ROBO2: variants seen among roughly 807,000 people sequenced by gnomAD.
ROBO2 encodes roundabout homolog 2.
ROBO2 carries 53 observed loss-of-function variants against 160.8 expected under a neutral mutation model. The ratio of observed to expected loss-of-function variants is 0.33; its 90% CI spans 0.26 to 0.41. ROBO2 has a LOEUF of 0.41. Among genes scored for constraint, ROBO2 ranks in the 10% least tolerant of loss-of-function variants. The pLI is 1.00. For missense variants in ROBO2, 1,577 were observed against 1,722.4 expected (o/e 0.92, Z 1.49); for synonymous variants, 664 against 611.7 (o/e 1.09, Z -1.26).
chr3:76,802,686 T>C (rs2064313448), intron 2 of ROBO2, among the ~76,000 whole-genome samples: 1 of 145,886 alleles, frequency 6.9e-6, no homozygotes, highest in Non-Finnish European at 1.5e-5. Context: ...CAAGATGGCG[T>C]CACTGCACTC....
intron 2 of ROBO2, among the ~76,000 whole-genome samples, chr3:76,488,917 T>C (rs894307228): frequency 2.0e-5 from 3 of 151,988 alleles, no homozygotes; most frequent in African/African-American, 7.2e-5. Flanking sequence ...TATTTATTTT[T>C]GTGCAGTTCT....
At chr3:76,168,918 G>A (rs921278652) in intron 2 of ROBO2, among the ~76,000 whole-genome samples, 2 of 151,364 alleles carry the variant, frequency 1.3e-5, no homozygotes, top group East Asian at 1.9e-4. Flanking sequence ...ATAAATTTGT[G>A]TCTTTGTTTT....
At chr3:75,937,841 TTATATATA>T (rs1158457510) in intron 2 of ROBO2, among the ~76,000 whole-genome samples, 5,251 of 105,476 alleles carry the variant, frequency 0.05, 202 homozygotes, top group Non-Finnish European at 0.06. Flanking sequence ...GGAATTGATT[TTATATATA>T]TATATATATA....
At chr3:76,476,507 C>T (rs2107212837) in intron 2 of ROBO2, among the ~76,000 whole-genome samples, 1 of 152,210 alleles carries the variant, frequency 6.6e-6, no homozygotes, top group East Asian at 1.9e-4. Flanking sequence ...ATGACATCTC[C>T]ACCTACTTGC....
At chr3:76,820,131 A>T (rs1391743301) in intron 2 of ROBO2, among the ~76,000 whole-genome samples, 5 of 152,030 alleles carry the variant, frequency 3.3e-5, no homozygotes, top group African/African-American at 4.8e-5. Context: ...GATTTGTTTC[A>T]TGTACACATT....
intron 7 of ROBO2, among the ~76,000 whole-genome samples, chr3:77,547,606 T>A (rs942795093): frequency 5.3e-5 from 8 of 152,086 alleles, no homozygotes; most frequent in African/African-American, 1.9e-4. Flanking sequence ...TGTGGGTTTC[T>A]ATAAATTCCT....
chr3:75,921,532 C>T (rs973995160), intron 1 of ROBO2, among the ~76,000 whole-genome samples: 1 of 151,936 alleles, frequency 6.6e-6, no homozygotes, highest in Admixed American at 6.6e-5. Flanking sequence ...TTTTATTGAT[C>T]AGAATGAAAA....
intron 1 of ROBO2, among the ~76,000 whole-genome samples, chr3:77,081,413 C>A (rs1056570867): frequency 1.3e-5 from 2 of 152,160 alleles, no homozygotes; most frequent in Non-Finnish European, 2.9e-5. Context: ...AGAGTGTGCA[C>A]TCTAAGGATA....
intron 2 of ROBO2, among the ~76,000 whole-genome samples, chr3:77,162,543 C>T (rs893430588): frequency 5.9e-5 from 9 of 152,160 alleles, no homozygotes; most frequent in Non-Finnish European, 1.3e-4. Flanking sequence ...CCAAGTTCAG[C>T]GTCTTAGTGA....
rs1461932765 is a variant in ROBO2, at chr3:77,634,971, A to G, written c.3862A>G (p.Thr1288Ala). 1 of 1,614,194 alleles carries G rather than the reference A, an allele frequency of 6.2e-7. No individual in the cohort carries two copies. Among genetic ancestry groups the G allele is most frequent in the Admixed American group, 1.7e-5 (1 of 60,018 alleles). ...GAGTCAAAGTCAGAGGCCTCGGCCC[A>G]CTAAAAAACACAAGGGAGGGCGGAT... The change falls in exon 24 of 26, where the codon ACT (threonine) becomes GCT (alanine). Residue 1288 changes from threonine (T) to alanine (A), a missense_variant. Transcript: ENST00000461745.
chr3:76,066,679 G>A, intron 2 of ROBO2, among the ~76,000 whole-genome samples: 1 of 152,064 alleles, frequency 6.6e-6, no homozygotes. Context: ...GTTAAGGAAT[G>A]CAATCAGTTA....
intron 2 of ROBO2, among the ~76,000 whole-genome samples, chr3:76,124,056 T>C (rs1439219099): frequency 6.6e-6 from 1 of 152,028 alleles, no homozygotes; most frequent in Non-Finnish European, 1.5e-5. Context: ...TTAAAAATAA[T>C]GAGTTTTTTT....
chr3:76,016,209 A>T (rs527642243), intron 2 of ROBO2, among the ~76,000 whole-genome samples: 2 of 46,874 alleles, frequency 4.3e-5, no homozygotes, highest in Non-Finnish European at 8.0e-5. Flanking sequence ...CCAAAGGAAG[A>T]CATTTATGTG....
chr3:76,296,084 G>A (rs899498838), intron 2 of ROBO2, among the ~76,000 whole-genome samples: 11 of 152,250 alleles, frequency 7.2e-5, no homozygotes, highest in Admixed American at 2.0e-4. Flanking sequence ...TTGAATCATC[G>A]TGGATATCTG....
chr3:77,399,296 A>G, intron 2 of ROBO2, among the ~76,000 whole-genome samples: 1 of 152,232 alleles, frequency 6.6e-6, no homozygotes, highest in East Asian at 1.9e-4. Flanking sequence ...AGCTCTCCAG[A>G]AAAGCTCTGC....
At chr3:75,939,023 C>T (rs1947919315) in intron 2 of ROBO2, among the ~76,000 whole-genome samples, 2 of 152,084 alleles carry the variant, frequency 1.3e-5, no homozygotes, top group Non-Finnish European at 2.9e-5. Context: ...GTTTATTTCT[C>T]TGGTAATGTG....
intron 5 of ROBO2, among the ~76,000 whole-genome samples, chr3:77,500,805 C>T (rs1242510199): frequency 1.3e-5 from 2 of 152,114 alleles, no homozygotes; most frequent in Non-Finnish European, 2.9e-5. Flanking sequence ...GTGCAAGTTG[C>T]CTAGTCCTGT....
In ROBO2 at chr3:76,453,124, C is replaced by T. The variant is rs865908611; in HGVS notation, c.109+515522C>T. On this transcript the variant is annotated intron_variant, in intron 2 of 26. Transcript: ENST00000487694. ...CAAAAATTTTCTCCCATTCTGTAGG[C>T]TGCCTGTTCACTCTGATGGTAGTTT... is the stretch of plus-strand genomic sequence containing the variant. Among the ~76,000 whole-genome samples, 150 of 151,612 alleles carry T rather than the reference C, an allele frequency of 9.9e-4. 2 individuals are homozygous for T. The highest frequency in any genetic ancestry group is 3.0e-3 in the African/African-American group (126 of 41,346).
intron 2 of ROBO2, among the ~76,000 whole-genome samples, chr3:77,105,967 G>A (rs573657871): frequency 2.0e-5 from 3 of 152,246 alleles, no homozygotes; most frequent in Admixed American, 6.5e-5. Flanking sequence ...TCCGGTTTTC[G>A]ATCCCAGAAA....
Sources: allele counts gnomAD v4.1 joint callset (sites outside exome capture counted in the v4.1 genomes callset), GRCh38; gene constraint gnomAD v4.1.1; transcripts MANE v1.5; gene names NCBI Gene and HGNC (gene_info 2026-07-23, HGNC 2026-07-21).